The following ACBD5 variants were observed in gnomAD, a reference collection of about 807,000 sequenced individuals.
ACBD5 encodes the protein acyl-CoA binding domain containing 5, also known as acyl-CoA-binding domain-containing protein 5.
In ACBD5, 40 loss-of-function variants were observed where a neutral mutation model predicts 71.8. The ratio of observed to expected loss-of-function variants is 0.56; its 90% CI spans 0.43 to 0.72. The LOEUF (loss-of-function observed/expected upper bound fraction) is 0.72. Ranked by LOEUF, ACBD5 falls within the 30% of genes least tolerant of loss-of-function variation. ACBD5 has a pLI of 0.00. For synonymous variants in ACBD5, 229 were observed against 218.6 expected (o/e 1.05, Z -0.42); for missense variants, 559 against 644.5 (o/e 0.87, Z 1.44).
At chr10:27,202,046 C>A (rs1311001485) in intron 12 of ACBD5, among the ~76,000 whole-genome samples, 1 of 152,084 alleles carries the variant, frequency 6.6e-6, no homozygotes, top group African/African-American at 2.4e-5. Flanking sequence ...CCTCTACTTG[C>A]CCACACTTTC....
At chr10:27,219,611 C>G (rs1589204009) in intron 6 of ACBD5, 112 bp downstream of exon 6, 2 of 1,447,448 alleles carry the variant, frequency 1.4e-6, no homozygotes, top group Admixed American at 3.4e-5. Context: ...AGGTCAACAG[C>G]TTACATCCCA....
chr10:27,223,879 C>T (rs1382325582), intron 4 of ACBD5, among the ~76,000 whole-genome samples: 1 of 151,866 alleles, frequency 6.6e-6, no homozygotes, highest in South Asian at 2.1e-4. Context: ...CACTGCACTC[C>T]AGGCTTGGTG....
chr10:27,210,064 A>G (rs2060900707), intron 9 of ACBD5, among the ~76,000 whole-genome samples: 1 of 152,234 alleles, frequency 6.6e-6, no homozygotes, highest in Admixed American at 6.5e-5. Flanking sequence ...AAGGTTCCCA[A>G]GCTATTTATC....
chr10:27,210,072 A>T (rs11015607), intron 9 of ACBD5, among the ~76,000 whole-genome samples: 10,618 of 152,312 alleles, frequency 0.07, 694 homozygotes, highest in African/African-American at 0.17. Flanking sequence ...CAAGCTATTT[A>T]TCAGAAGGCT....
intron 5 of ACBD5, among the ~76,000 whole-genome samples, chr10:27,223,044 G>C (rs986732314): frequency 2.0e-5 from 3 of 151,964 alleles, no homozygotes; most frequent in Non-Finnish European, 2.9e-5. Context: ...ACCACTTAAG[G>C]GTTAAAATTT....
chr10:27,208,226 T>C lies in ACBD5; in HGVS notation c.1404+20A>G, dbSNP rs2060673443. ...CAGAATCAATAAGCACAAGAAGGTA[T>C]GATACATTTGGAAGTTTACCTGCAA... On this transcript the variant is annotated intron_variant, in intron 10 of 12. Coordinates refer to ENST00000396271, the MANE Select transcript of ACBD5 (RefSeq NM_145698.5). The C allele has an allele frequency of 3.7e-6, 6 of 1,612,556 alleles. No homozygotes were observed. Among genetic ancestry groups the C allele is most frequent in the African/African-American group, 1.3e-5 (1 of 75,040 alleles).
intron 8 of ACBD5, among the ~76,000 whole-genome samples, chr10:27,212,096 C>A (rs947767660): frequency 6.6e-6 from 1 of 152,148 alleles, no homozygotes; most frequent in Non-Finnish European, 1.5e-5. Context: ...CACCTGTAAT[C>A]CCAGCAGTTT....
intron 2 of ACBD5, among the ~76,000 whole-genome samples, chr10:27,238,428 A>G (rs1485532432): frequency 2.0e-5 from 3 of 152,258 alleles, no homozygotes; most frequent in Non-Finnish European, 4.4e-5. Context: ...AAAAAACTAT[A>G]AAAACGTGTG....
downstream of ACBD5, among the ~76,000 whole-genome samples, chr10:27,191,897 ATAATAAC>A (rs963761232): frequency 6.8e-5 from 10 of 146,450 alleles, no homozygotes; most frequent in African/African-American, 2.8e-4. Context: ...TCAAAAAAAA[ATAATAAC>A]AATAAAGTCT....
chr10:27,197,989 G>T (rs1296710959), intron 12 of ACBD5, among the ~76,000 whole-genome samples: 2 of 152,114 alleles, frequency 1.3e-5, no homozygotes, highest in Admixed American at 6.6e-5. Flanking sequence ...TTACTTTCTA[G>T]ATTCTTACCC....
At chr10:27,231,541 A>G (rs2063862474) in intron 4 of ACBD5, among the ~76,000 whole-genome samples, 1 of 152,154 alleles carries the variant, frequency 6.6e-6, no homozygotes, top group Non-Finnish European at 1.5e-5. Flanking sequence ...ATAAAACATC[A>G]CATCATCACA....
downstream of ACBD5, among the ~76,000 whole-genome samples, chr10:27,194,255 TAAA>T (rs58311546): frequency 7.3e-5 from 10 of 137,086 alleles, no homozygotes; most frequent in Non-Finnish European, 7.7e-5. Flanking sequence ...CCGTCTCAAT[TAAA>T]AAAAAAAAAA....
chr10:27,222,548 C>A (rs1197426419), intron 5 of ACBD5, among the ~76,000 whole-genome samples: 4 of 151,900 alleles, frequency 2.6e-5, no homozygotes, highest in Admixed American at 1.3e-4. Flanking sequence ...CTAAACACAT[C>A]TATTTTTAAT....
At chr10:27,189,455 A>G (rs1429960319) in intron 13 of ACBD5, among the ~76,000 whole-genome samples, 3 of 152,218 alleles carry the variant, frequency 2.0e-5, no homozygotes, top group Admixed American at 2.0e-4. Context: ...ACCCTGGCCA[A>G]CATAGCAAGA....
intron 7 of ACBD5, among the ~76,000 whole-genome samples, chr10:27,216,632 T>G: frequency 6.6e-6 from 1 of 152,212 alleles, no homozygotes; most frequent in East Asian, 1.9e-4. Flanking sequence ...GAGAGACGAA[T>G]TTGATTTATC....
At chr10:27,187,991 A>ACCCC (rs1439838649) in intron 13 of ACBD5, among the ~76,000 whole-genome samples, 1 of 151,988 alleles carries the variant, frequency 6.6e-6, no homozygotes, top group Non-Finnish European at 1.5e-5. Context: ...ACAAAGCGAG[A>ACCCC]CCCCATTTCC....
At chr10:27,224,379 CA>C (rs2137700901) in intron 4 of ACBD5, among the ~76,000 whole-genome samples, 1 of 151,780 alleles carries the variant, frequency 6.6e-6, no homozygotes, top group East Asian at 1.9e-4. Flanking sequence ...ATCTTGTCTC[CA>C]AAAAAATAAA....
At chr10:27,241,540 G>A (rs1279762722), upstream of ACBD5, among the ~76,000 whole-genome samples, 2 of 152,206 alleles carry the variant, frequency 1.3e-5, no homozygotes, top group Non-Finnish European at 2.9e-5. Context: ...GCCCCAGGGA[G>A]CCAGGCACCT....
At chr10:27,223,167 A>C in intron 5 of ACBD5, 171 bp downstream of exon 5, 1 of 721,452 alleles carries the variant, frequency 1.4e-6, no homozygotes, top group Non-Finnish European at 2.6e-6. Flanking sequence ...TTGACATGTA[A>C]ATTTTAAACA....
Sources: allele counts gnomAD v4.1 joint callset (sites outside exome capture counted in the v4.1 genomes callset), GRCh38; gene constraint gnomAD v4.1.1; transcripts MANE v1.5; gene names NCBI Gene and HGNC (gene_info 2026-07-23, HGNC 2026-07-21).